Variants in CNTN5 observed in about 807,000 individuals in gnomAD.
The protein encoded by CNTN5 is contactin 5.
CNTN5 carries 77 observed loss-of-function variants against 129.1 expected under a neutral mutation model. The ratio of observed to expected loss-of-function variants is 0.60; its 90% CI spans 0.50 to 0.72. The LOEUF is 0.72. CNTN5 is among the 30% of genes least tolerant of loss of function. The pLI is 0.00. For synonymous variants in CNTN5, 509 were observed against 465.6 expected, an observed-to-expected ratio of 1.09 and a Z score of -1.20; for missense variants, 1,478 against 1,328.8, an observed-to-expected ratio of 1.11 and a Z score of -1.75.
At chr11:99,554,558 C>T (rs1324758889) in intron 2 of CNTN5, among the ~76,000 whole-genome samples, 2 of 152,020 alleles carry the variant, frequency 1.3e-5, no homozygotes, top group East Asian at 3.8e-4. Flanking sequence ...CAACAGAGGA[C>T]CTTAGGACAT....
chr11:100,021,051 C>T (rs1941112245), intron 9 of CNTN5, among the ~76,000 whole-genome samples: 1 of 152,004 alleles, frequency 6.6e-6, no homozygotes, highest in Admixed American at 6.6e-5. Context: ...TCTATGATTT[C>T]TAATTTATTT....
intron 17 of CNTN5, among the ~76,000 whole-genome samples, chr11:100,265,203 A>G (rs1267091562): frequency 6.6e-6 from 1 of 152,088 alleles, no homozygotes; most frequent in African/African-American, 2.4e-5. Flanking sequence ...GATCAATTGT[A>G]TTTACCCTTC....
Position 100,331,853 on chromosome 11 carries a change from T to G in CNTN5, c.2731-8610T>G, listed in dbSNP as rs1345864455. Reference sequence around the variant, plus strand: ...AAAAAACTAAGAGATAAGAAGAAAGTTCATAGTATTAAATGACTAGATTAA... The same window carrying G: ...AAAAAACTAAGAGATAAGAAGAAAGGTCATAGTATTAAATGACTAGATTAA... On this transcript the variant is annotated intron_variant, in intron 21 of 24. Coordinates refer to ENST00000524871, the MANE Select transcript of CNTN5 (RefSeq NM_014361.4). Among the ~76,000 whole-genome samples, 4 of 152,046 alleles carry G rather than the reference T, an allele frequency of 2.6e-5. No homozygotes were observed. In the East Asian group the frequency reaches 7.7e-4, roughly 29 times the overall value.
chr11:99,775,173 T>G (rs1945081235), intron 3 of CNTN5, among the ~76,000 whole-genome samples: 1 of 152,214 alleles, frequency 6.6e-6, no homozygotes, highest in South Asian at 2.1e-4. Context: ...ATAAAAAGAT[T>G]TACCTTTGAG....
At chr11:99,878,662 C>T (rs955032490) in intron 6 of CNTN5, among the ~76,000 whole-genome samples, 6 of 152,036 alleles carry the variant, frequency 3.9e-5, no homozygotes, top group Non-Finnish European at 8.8e-5. Flanking sequence ...TTGAGACCAC[C>T]CTGGCCAACA....
chr11:99,048,836 G>A (rs1229991992), intron 1 of CNTN5, among the ~76,000 whole-genome samples: 2 of 152,102 alleles, frequency 1.3e-5, no homozygotes, highest in Non-Finnish European at 2.9e-5. Flanking sequence ...GGTAAAAATG[G>A]TTTCTATTCT....
At chr11:99,757,502 A>G (rs567611085) in intron 3 of CNTN5, among the ~76,000 whole-genome samples, 3 of 151,274 alleles carry the variant, frequency 2.0e-5, no homozygotes, top group Non-Finnish European at 3.0e-5. Flanking sequence ...TCATCTTCAC[A>G]TGGAGCTGTG....
rs201694731 is a variant in CNTN5 at position 100,356,414 on chromosome 11, G to A, written c.*194G>A. 144 of 589,252 alleles carry A rather than the reference G, an allele frequency of 2.4e-4. No homozygotes were observed. Among genetic ancestry groups the A allele is most frequent in the African/African-American group, 2.0e-3 (108 of 53,386 alleles). The allele number at this position is 589,252 out of a possible 1,614,324, so 36.5% of individuals were successfully genotyped here. On this transcript the variant is annotated 3_prime_UTR_variant, in exon 25 of 25. Transcript: ENST00000524871. Reference sequence around the variant, plus strand: ...AGGTTTCTCTTTGGTTTTTGTAAACGGAGAGGACAGTTCTTAGTCCAGTAA... The same window carrying A: ...AGGTTTCTCTTTGGTTTTTGTAAACAGAGAGGACAGTTCTTAGTCCAGTAA...
chr11:99,408,999 A>C (rs1196704631), intron 2 of CNTN5, among the ~76,000 whole-genome samples: 1 of 152,220 alleles, frequency 6.6e-6, no homozygotes, highest in East Asian at 1.9e-4. Flanking sequence ...TTCAACAGTC[A>C]GCCTGTTTTG....
Position 99,986,891 on chromosome 11 carries a change from A to C in CNTN5, c.878-15143A>C, listed in dbSNP as rs117845430. The stretch of plus-strand genomic sequence containing the variant: ...TTAGAATAAAAATAAGGGAATGAAA[A>C]AGAGAGATGTAATAGGAATCAAATT... On this transcript the variant is annotated intron_variant, in intron 8 of 24. Coordinates refer to ENST00000524871, the MANE Select transcript of CNTN5 (RefSeq NM_014361.4). 2.7e-3 allele frequency among the ~76,000 whole-genome samples: 411 copies of C among 152,344 alleles called. 14 individuals are homozygous for C. In the East Asian group the frequency reaches 0.071, roughly 26 times the overall value.
chr11:99,397,519 A>G (rs1207323455), intron 2 of CNTN5, among the ~76,000 whole-genome samples: 1 of 148,072 alleles, frequency 6.8e-6, no homozygotes, highest in African/African-American at 2.4e-5. Context: ...TTATCTATCT[A>G]TCTACCTATC....
chr11:99,735,129 C>G (rs1943661662), intron 3 of CNTN5, among the ~76,000 whole-genome samples: 1 of 152,202 alleles, frequency 6.6e-6, no homozygotes, highest in African/African-American at 2.4e-5. Flanking sequence ...CTACTATGTA[C>G]TAGGCATTGT....
At chr11:100,239,536 C>T (rs1332132159) in intron 16 of CNTN5, among the ~76,000 whole-genome samples, 1 of 152,054 alleles carries the variant, frequency 6.6e-6, no homozygotes, top group African/African-American at 2.4e-5. Context: ...TTACATAGGA[C>T]TTTGCCATAC....
chr11:100,218,315 A>G (rs990027964), intron 15 of CNTN5, among the ~76,000 whole-genome samples: 5 of 152,260 alleles, frequency 3.3e-5, no homozygotes, highest in Non-Finnish European at 7.3e-5. Context: ...AAAGACTTCA[A>G]GTCAATAAAG....
intron 6 of CNTN5, among the ~76,000 whole-genome samples, chr11:99,893,358 C>G (rs1055271230): frequency 5.3e-5 from 8 of 152,246 alleles, no homozygotes; most frequent in Admixed American, 4.6e-4. Context: ...AATAGGTGGA[C>G]AACTTGGACT....
chr11:99,034,460 C>T (rs1863594044), intron 1 of CNTN5, among the ~76,000 whole-genome samples: 1 of 151,646 alleles, frequency 6.6e-6, no homozygotes, highest in Admixed American at 6.6e-5. Flanking sequence ...TGTTATTGGT[C>T]TATTCAGAGA....
Position 100,191,241 on chromosome 11 carries a change from C to T in CNTN5, c.1696C>T (p.Leu566=). 6.2e-7 allele frequency: 1 copy of T among 1,612,274 alleles called. No individual in the cohort carries two copies. The highest frequency in any genetic ancestry group is 8.5e-7 in the Non-Finnish European group (1 of 1,178,954). Residue 566 remains leucine, a synonymous_variant, in exon 14 of 25, where the codon CTA becomes TTA. Transcript: ENST00000524871. ...VFGSAEIIAS[L]SVKEPTRIEL... is the part of the protein sequence containing the mutation. The stretch of plus-strand genomic sequence containing the variant: ...TGGTTCTGCTGAAATTATAGCTTCG[C>T]TATCTGTAAAAGGTAAGACAGCACG...
At chr11:99,673,421 A>T (rs639187) in intron 3 of CNTN5, among the ~76,000 whole-genome samples, 86,332 of 151,934 alleles carry the variant, frequency 0.57, 26,216 homozygotes, top group Non-Finnish European at 0.69. Context: ...CATCAAGAAC[A>T]GTGTCTGATA....
intron 3 of CNTN5, among the ~76,000 whole-genome samples, chr11:99,562,703 T>C (rs1948881156): frequency 1.3e-5 from 2 of 152,080 alleles, no homozygotes; most frequent in Non-Finnish European, 2.9e-5. Context: ...TTAAAATATA[T>C]AGGACTTAGT....
Sources: allele counts gnomAD v4.1 joint callset (sites outside exome capture counted in the v4.1 genomes callset), GRCh38; gene constraint gnomAD v4.1.1; transcripts MANE v1.5; gene names NCBI Gene and HGNC (gene_info 2026-07-23, HGNC 2026-07-21).